Variants in FBN1 observed in about 807,000 individuals in gnomAD.
FBN1 encodes the protein fibrillin-1.
In FBN1, 29 loss-of-function variants were observed where a neutral mutation model predicts 365.1. That is an observed-to-expected ratio of 0.08 (90% CI 0.06 to 0.11). The LOEUF is 0.11. Ranked by LOEUF, FBN1 falls within the 10% of genes least tolerant of loss-of-function variation. FBN1 has a pLI of 1.00. For synonymous variants in FBN1, 1,210 were observed against 1,270.5 expected, an observed-to-expected ratio of 0.95 and a Z score of 1.01; for missense variants, 2,476 against 3,703.2, an observed-to-expected ratio of 0.67 and a Z score of 8.60.
intron 30 of FBN1, 28 bp from the exon 31 acceptor site, chr15:48,483,971 G>A (rs1161158313): frequency 6.2e-7 from 1 of 1,609,732 alleles, no homozygotes; most frequent in African/African-American, 1.3e-5. Context: ...AACAACCACA[G>A]GTTGTTGATA....
intron 6 of FBN1, among the ~76,000 whole-genome samples, chr15:48,588,088 G>C (rs1479627256): frequency 2.0e-5 from 3 of 152,144 alleles, no homozygotes; most frequent in Non-Finnish European, 4.4e-5. Flanking sequence ...TGTATTACTG[G>C]AAGTTCTAGA....
At chr15:48,532,810 CTT>C (rs1258396302) in intron 8 of FBN1, among the ~76,000 whole-genome samples, 5 of 152,134 alleles carry the variant, frequency 3.3e-5, no homozygotes, top group Non-Finnish European at 5.9e-5. Context: ...CAAGAGTCAA[CTT>C]TATTGTTCTT....
At chr15:48,429,409 A>G (rs2043008586) in intron 56 of FBN1, among the ~76,000 whole-genome samples, 1 of 152,234 alleles carries the variant, frequency 6.6e-6, no homozygotes, top group Non-Finnish European at 1.5e-5. Flanking sequence ...AAACATTAAA[A>G]TATCTACAGA....
chr15:48,596,212 A>G, intron 6 of FBN1, 71 bp downstream of exon 6: 1 of 1,354,468 alleles, frequency 7.4e-7, no homozygotes, highest in Non-Finnish European at 1.1e-6. Flanking sequence ...TGCAGACCCA[A>G]TGTCTGTGCA....
At chr15:48,536,441 C>T (rs2044014714) in intron 7 of FBN1, among the ~76,000 whole-genome samples, 1 of 152,124 alleles carries the variant, frequency 6.6e-6, no homozygotes, top group African/African-American at 2.4e-5. Flanking sequence ...TCACTGTCAA[C>T]AAGTTCATGG....
chr15:48,428,228 C>T lies in FBN1; in HGVS notation c.6997+118G>A, dbSNP rs1196419181. 56 of 1,348,056 alleles carry T rather than the reference C, an allele frequency of 4.2e-5. 1 individual carries two copies. Among genetic ancestry groups the T allele is most frequent in the South Asian group, 9.9e-5 (8 of 80,470 alleles). 83.5% of individuals were successfully genotyped at this position (1,348,056 alleles called of 1,614,324 possible). A position where few individuals can be genotyped will look rare whatever the true frequency, so the allele number is the denominator to read the frequency against. On this transcript the variant is annotated intron_variant, in intron 57 of 65. Coordinates refer to ENST00000316623, the MANE Select transcript of FBN1 (RefSeq NM_000138.5). ...CATTACGGCATCTCCAAAATATGAA[C>T]ATTTTTTATCCTTCCTCAGATTTTG...
chr15:48,526,310 C>A (rs949382105), intron 8 of FBN1, 55 bp from the exon 9 acceptor site: 1 of 1,595,754 alleles, frequency 6.3e-7, no homozygotes, highest in South Asian at 1.1e-5. Context: ...TAAAACCATT[C>A]GTCAGTAGAA....
chr15:48,531,991 A>C (rs2043977374), intron 8 of FBN1, among the ~76,000 whole-genome samples: 1 of 152,236 alleles, frequency 6.6e-6, no homozygotes, highest in African/African-American at 2.4e-5. Flanking sequence ...ATGTAGCTGG[A>C]AAATTTTTGT....
intron 19 of FBN1, 118 bp downstream of exon 19, chr15:48,497,148 A>C (rs1378838975): frequency 8.7e-7 from 1 of 1,148,516 alleles, no homozygotes; most frequent in Non-Finnish European, 1.3e-6. Context: ...TAACATCCGA[A>C]GTATAAAGTG....
chr15:48,487,492 C>T (rs2043519223), intron 27 of FBN1, 55 bp from the exon 28 acceptor site: 1 of 1,606,750 alleles, frequency 6.2e-7, no homozygotes, highest in Non-Finnish European at 8.5e-7. Flanking sequence ...CTCCACCAGA[C>T]CAAGCACTCC....
intron 4 of FBN1, among the ~76,000 whole-genome samples, chr15:48,607,937 A>T (rs1045172708): frequency 6.6e-6 from 1 of 152,232 alleles, no homozygotes; most frequent in Admixed American, 6.5e-5. Flanking sequence ...AGTCCTAAAG[A>T]GGGCTGGAAT....
In FBN1 at chr15:48,432,915, G is replaced by A. The variant is rs727504931; in HGVS notation, c.6690C>T (p.Cys2230=). 3 of 1,613,680 alleles carry A rather than the reference G, an allele frequency of 1.9e-6. No homozygotes were observed. Among genetic ancestry groups the A allele is most frequent in the Non-Finnish European group, 2.5e-6 (3 of 1,179,664 alleles). ...RCVNTYGSYE[C]KCPVGYVLRE... is the part of the protein sequence containing the mutation. ...TGAGCACATATCCCACGGGACATTT[G>A]CATTCATATGACCCATAAGTGTTCA... The change falls in exon 55 of 66, where the codon TGC becomes TGT. Residue 2230 remains cysteine, a synonymous_variant. Coordinates refer to ENST00000316623, the MANE Select transcript of FBN1 (RefSeq NM_000138.5).
intron 46 of FBN1, among the ~76,000 whole-genome samples, chr15:48,447,827 T>C (rs547361302): frequency 1.8e-4 from 27 of 152,306 alleles, no homozygotes; most frequent in Admixed American, 9.8e-4. Context: ...TGTGTGTCTG[T>C]GGTTGAAGAC....
intron 8 of FBN1, among the ~76,000 whole-genome samples, chr15:48,533,643 A>G (rs2043990281): frequency 6.6e-6 from 1 of 152,182 alleles, no homozygotes; most frequent in African/African-American, 2.4e-5. Context: ...GCATAAATAT[A>G]AGGGTTAATA....
chr15:48,571,090 T>C (rs1026606942), intron 6 of FBN1, among the ~76,000 whole-genome samples: 2 of 152,154 alleles, frequency 1.3e-5, no homozygotes, highest in Non-Finnish European at 2.9e-5. Flanking sequence ...CAGGGACAAA[T>C]GCTAGATTCC....
chr15:48,561,238 C>G (rs1342882969), intron 6 of FBN1, among the ~76,000 whole-genome samples: 1 of 152,154 alleles, frequency 6.6e-6, no homozygotes, highest in Non-Finnish European at 1.5e-5. Context: ...TGGCTCTGCC[C>G]TTTGGAAATG....
rs764849498 is a variant in FBN1 at position 48,436,946 on chromosome 15, A to C, written c.6496+15T>G. The C allele has an allele frequency of 2.7e-6, 4 of 1,484,224 alleles. No homozygotes were observed. In the South Asian group the frequency reaches 4.5e-5, roughly 17 times the overall value. 91.9% of individuals were successfully genotyped at this position (1,484,224 alleles called of 1,614,324 possible). ...TAATTTGTAAAGTTCCTATGGAAGA[A>C]AACTTATTACTCACCTACACATTCA... On this transcript the variant is annotated intron_variant, in intron 53 of 65. Coordinates refer to ENST00000316623, the MANE Select transcript of FBN1 (RefSeq NM_000138.5).
At chr15:48,428,795 T>C (rs2043002821) in intron 56 of FBN1, among the ~76,000 whole-genome samples, 3 of 152,240 alleles carry the variant, frequency 2.0e-5, no homozygotes, top group East Asian at 1.9e-4. Context: ...TATAGAAGAA[T>C]AGATTTTCTT....
intron 13 of FBN1, among the ~76,000 whole-genome samples, chr15:48,511,383 A>C (rs1215511890): frequency 6.6e-6 from 1 of 150,946 alleles, no homozygotes; most frequent in Non-Finnish European, 1.5e-5. Flanking sequence ...CTTGCTCCAC[A>C]CTCAAAAAAA....
Sources: gnomAD v4.1 joint callset for allele counts (sites outside exome capture counted in the v4.1 genomes callset) on GRCh38, gnomAD v4.1.1 for gene constraint, MANE v1.5 for transcripts, NCBI Gene and HGNC (gene_info 2026-07-23, HGNC 2026-07-21) for gene names.